DPP6: variants seen among roughly 807,000 people sequenced by gnomAD.
DPP6 encodes the protein A-type potassium channel modulatory protein DPP6.
In DPP6, 69 loss-of-function variants were observed where a neutral mutation model predicts 122.6. The observed-to-expected ratio is 0.56, with a 90% confidence interval of 0.46 to 0.69. The LOEUF (loss-of-function observed/expected upper bound fraction) is 0.69, where lower values mean the gene tolerates loss of function less well. DPP6 is among the 30% of genes least tolerant of loss of function. DPP6 has a pLI of 0.00. For missense variants in DPP6, 928 were observed against 1,116.9 expected, an observed-to-expected ratio of 0.83 and a Z score of 2.41; for synonymous variants, 418 against 433.1, an observed-to-expected ratio of 0.97 and a Z score of 0.43.
At chr7:154,734,949 C>A (rs1270781403) in intron 8 of DPP6, among the ~76,000 whole-genome samples, 36 of 152,158 alleles carry the variant, frequency 2.4e-4, no homozygotes, top group Non-Finnish European at 2.9e-5. Context: ...ATTGGTGGTA[C>A]AACTACTATT....
At chr7:154,780,067 G>A (rs1011142787) in intron 10 of DPP6, among the ~76,000 whole-genome samples, 1 of 152,200 alleles carries the variant, frequency 6.6e-6, no homozygotes, top group African/African-American at 2.4e-5. Context: ...GGGGGCACCA[G>A]TTCAAGGAGA....
intron 1 of DPP6, among the ~76,000 whole-genome samples, chr7:154,067,992 G>T (rs1316639154): frequency 6.7e-6 from 1 of 150,040 alleles, no homozygotes; most frequent in Non-Finnish European, 1.5e-5. Flanking sequence ...AAACTCCTGG[G>T]CTCAAGCAGT....
intron 1 of DPP6, among the ~76,000 whole-genome samples, chr7:153,914,744 A>T (rs958612061): frequency 6.6e-6 from 1 of 152,136 alleles, no homozygotes; most frequent in South Asian, 2.1e-4. Flanking sequence ...GTTCGGAGAG[A>T]TTGAGACTGC....
At chr7:153,924,368 A>C (rs1800791035) in intron 1 of DPP6, among the ~76,000 whole-genome samples, 1 of 152,154 alleles carries the variant, frequency 6.6e-6, no homozygotes, top group African/African-American at 2.4e-5. Context: ...CAGCCTCCCC[A>C]AAGTGCTGGG....
At chr7:153,902,536 A>G (rs930253064) in intron 1 of DPP6, among the ~76,000 whole-genome samples, 9 of 152,082 alleles carry the variant, frequency 5.9e-5, no homozygotes, top group Admixed American at 3.3e-4. Context: ...CTTCCAAGAG[A>G]TGAAAAAGTG....
At chr7:154,677,238 C>A (rs1838968851) in intron 7 of DPP6, among the ~76,000 whole-genome samples, 1 of 152,198 alleles carries the variant, frequency 6.6e-6, no homozygotes. Context: ...TGTTTTTCTT[C>A]TTAATACGCC....
intron 2 of DPP6, among the ~76,000 whole-genome samples, chr7:154,474,416 G>A (rs1822545796): frequency 6.6e-6 from 1 of 152,150 alleles, no homozygotes; most frequent in Admixed American, 6.5e-5. Flanking sequence ...AGATAATTGG[G>A]GTTTGATCCT....
chr7:154,318,477 C>T (rs1377047509), intron 1 of DPP6, among the ~76,000 whole-genome samples: 1 of 152,132 alleles, frequency 6.6e-6, no homozygotes, highest in Non-Finnish European at 1.5e-5. Context: ...TCTTCCAGCC[C>T]CCAAATACCA....
At chr7:154,232,331 G>A (rs1402746799) in intron 1 of DPP6, among the ~76,000 whole-genome samples, 1 of 152,168 alleles carries the variant, frequency 6.6e-6, no homozygotes, top group Non-Finnish European at 1.5e-5. Flanking sequence ...TCTGCAGGTA[G>A]GCACATTTGG....
chr7:154,618,535 C>T lies in DPP6; in HGVS notation c.628-19286C>T, dbSNP rs1490932473. Among the ~76,000 whole-genome samples the T allele has an allele frequency of 6.6e-6, 1 of 152,130 alleles. No individual in the cohort carries two copies. The highest frequency in any genetic ancestry group is 1.9e-4 in the East Asian group (1 of 5,178). On this transcript the variant is annotated intron_variant, in intron 5 of 25. Coordinates refer to ENST00000377770, the MANE Select transcript of DPP6 (RefSeq NM_130797.4). The surrounding 1 kb of genome is among the most constrained non-coding windows in gnomAD (Gnocchi z 4.1). ...AGACAATTTCTAGTTTGACTCTCAT[C>T]ATATTTTTAATATAGCCCTGCATTT...
chr7:153,922,796 A>T (rs529348679), intron 1 of DPP6, among the ~76,000 whole-genome samples: 3 of 152,310 alleles, frequency 2.0e-5, no homozygotes, highest in African/African-American at 7.2e-5. Context: ...TTCTATCCTG[A>T]ATAGCCCACG....
rs558081970 is a variant in DPP6, at chr7:154,358,671, C to T, written c.244-87543C>T. Among the ~76,000 whole-genome samples the T allele has an allele frequency of 9.1e-4, 138 of 152,244 alleles. 2 individuals carry two copies. The highest frequency in any genetic ancestry group is 1.3e-3 in the Non-Finnish European group (86 of 68,022). ...ACTATTAGAGTCTGTTTGATATACT[C>T]ATTACTAATATTGATTTTACAGTTC... is the stretch of plus-strand genomic sequence containing the variant. On this transcript the variant is annotated intron_variant, in intron 1 of 25. Coordinates refer to ENST00000377770, the MANE Select transcript of DPP6 (RefSeq NM_130797.4).
At chr7:154,584,386 A>T (rs1057403133) in intron 5 of DPP6, among the ~76,000 whole-genome samples, 3 of 152,208 alleles carry the variant, frequency 2.0e-5, no homozygotes, top group African/African-American at 2.4e-5. Flanking sequence ...CACGGGGACC[A>T]CAGCACTGCT....
chr7:154,225,815 G>A (rs1196058489), intron 1 of DPP6, among the ~76,000 whole-genome samples: 4 of 152,038 alleles, frequency 2.6e-5, no homozygotes, highest in Non-Finnish European at 1.5e-5. Context: ...CTTTTCCTGG[G>A]TCATTAGAAT....
At chr7:154,879,696 G>A (rs1805213722) in intron 20 of DPP6, among the ~76,000 whole-genome samples, 1 of 152,142 alleles carries the variant, frequency 6.6e-6, no homozygotes, top group Non-Finnish European at 1.5e-5. Context: ...AGGTTGCGGT[G>A]AGCCACGATC....
At chr7:153,977,064 A>T (rs999161513) in intron 1 of DPP6, among the ~76,000 whole-genome samples, 1 of 152,088 alleles carries the variant, frequency 6.6e-6, no homozygotes, top group Non-Finnish European at 1.5e-5. Flanking sequence ...GCTCTTTTTC[A>T]TGTCACCAAA....
chr7:154,061,732 G>A (rs1033867193), intron 1 of DPP6, among the ~76,000 whole-genome samples: 1,030 of 71,478 alleles, frequency 0.014, 9 homozygotes, highest in Middle Eastern at 0.024. Context: ...CGGGGACTGC[G>A]AACCTCCCCC....
chr7:154,240,202 C>T (rs1325464002), intron 1 of DPP6, among the ~76,000 whole-genome samples: 3 of 151,954 alleles, frequency 2.0e-5, no homozygotes, highest in African/African-American at 7.3e-5. Flanking sequence ...TCGTTATTTT[C>T]ATCTCTGTAT....
chr7:153,913,824 G>A (rs1452751118), intron 1 of DPP6, among the ~76,000 whole-genome samples: 14 of 152,150 alleles, frequency 9.2e-5, no homozygotes, highest in Admixed American at 9.2e-4. Flanking sequence ...AGTAAGGGGG[G>A]GAAGAGGGCT....
Sources: allele counts gnomAD v4.1 joint callset (sites outside exome capture counted in the v4.1 genomes callset), GRCh38; gene constraint gnomAD v4.1.1; non-coding constraint Gnocchi (gnomAD v3.1); transcripts MANE v1.5; gene names NCBI Gene and HGNC (gene_info 2026-07-23, HGNC 2026-07-21).